The following STK33 variants were observed in gnomAD, a reference collection of about 807,000 sequenced individuals.
The protein encoded by STK33 is serine/threonine kinase 33, also known as serine/threonine-protein kinase 33.
Under a neutral mutation model 58.0 loss-of-function variants are expected in STK33, and 52 were observed. That is an observed-to-expected ratio of 0.90 (90% CI 0.72 to 1.13). The LOEUF (loss-of-function observed/expected upper bound fraction) is 1.13, where lower values mean the gene tolerates loss of function less well. STK33 is among the 50% of genes most tolerant of loss of function. The pLI, the probability that STK33 is intolerant of heterozygous loss-of-function variation, is 0.00. For missense variants in STK33, 630 were observed against 604.2 expected (o/e 1.04, Z -0.45); for synonymous variants, 215 against 200.1 (o/e 1.07, Z -0.63).
chr11:8,448,338 C>A (rs535863582), intron 11 of STK33, among the ~76,000 whole-genome samples: 3 of 152,106 alleles, frequency 2.0e-5, no homozygotes, highest in Non-Finnish European at 2.9e-5. Flanking sequence ...AATCCTAAGC[C>A]AAAAGAACAA....
chr11:8,414,931 TG>T (rs1940898922), intron 14 of STK33, among the ~76,000 whole-genome samples: 1 of 152,124 alleles, frequency 6.6e-6, no homozygotes, highest in African/African-American at 2.4e-5. Context: ...TTCCCAACTA[TG>T]TAGTCAACTC....
intron 15 of STK33, among the ~76,000 whole-genome samples, chr11:8,405,772 T>C (rs914739380): frequency 6.6e-6 from 1 of 152,266 alleles, no homozygotes; most frequent in Non-Finnish European, 1.5e-5. Flanking sequence ...CTCATATATA[T>C]CTACTATTGT....
chr11:8,532,209 C>T (rs1160059995), intron 1 of STK33, among the ~76,000 whole-genome samples: 2 of 152,226 alleles, frequency 1.3e-5, no homozygotes, highest in African/African-American at 4.8e-5. Context: ...TGTGATGTTA[C>T]CATCACTTAT....
At chr11:8,520,014 A>G (rs990557611) in intron 1 of STK33, among the ~76,000 whole-genome samples, 2 of 152,232 alleles carry the variant, frequency 1.3e-5, no homozygotes, top group Non-Finnish European at 2.9e-5. Context: ...TCATCCTGAT[A>G]CCAAAGCCTG....
chr11:8,388,390 G>A (rs1590664883), downstream of STK33, among the ~76,000 whole-genome samples: 2 of 152,350 alleles, frequency 1.3e-5, no homozygotes, highest in Admixed American at 1.3e-4. Flanking sequence ...ATGCGGCCTC[G>A]CTTTGAAGAA....
chr11:8,520,128 C>G lies in STK33; in HGVS notation c.-465-39514G>C, dbSNP rs571870140. 1.8e-3 allele frequency among the ~76,000 whole-genome samples: 271 copies of G among 152,320 alleles called. 1 individual carries two copies. The highest frequency in any genetic ancestry group is 6.2e-3 in the African/African-American group (258 of 41,570). Reference sequence around the variant, plus strand: ...TGGCAAAACGAATCCAGCAGCACATCAAAAAGCTTATCCACCATGATCAAG... The same window carrying G: ...TGGCAAAACGAATCCAGCAGCACATGAAAAAGCTTATCCACCATGATCAAG... On this transcript the variant is annotated intron_variant, in intron 1 of 15. Transcript: ENST00000687296.
intron 1 of STK33, among the ~76,000 whole-genome samples, chr11:8,530,945 T>TC (rs1554984958): frequency 6.6e-6 from 1 of 151,462 alleles, no homozygotes; most frequent in Non-Finnish European, 1.5e-5. Flanking sequence ...CCCACCTCAG[T>TC]CTCCCAAAGT....
At chr11:8,528,647 C>A (rs1320153395) in intron 1 of STK33, among the ~76,000 whole-genome samples, 1 of 152,202 alleles carries the variant, frequency 6.6e-6, no homozygotes, top group African/African-American at 2.4e-5. Context: ...AGACTAAAGA[C>A]CAAAACCTGG....
intron 1 of STK33, among the ~76,000 whole-genome samples, chr11:8,525,821 G>A (rs565454267): frequency 6.6e-6 from 1 of 152,250 alleles, no homozygotes; most frequent in African/African-American, 2.4e-5. Context: ...CTTATATTTA[G>A]AATGTATAAA....
chr11:8,458,614 A>G (rs746602960), intron 8 of STK33, among the ~76,000 whole-genome samples: 45 of 152,320 alleles, frequency 3.0e-4, no homozygotes, highest in Admixed American at 2.4e-3. Context: ...AAGAAGTCAT[A>G]GCTGAAATGC....
intron 11 of STK33, among the ~76,000 whole-genome samples, chr11:8,444,299 TA>T (rs959060509): frequency 4.6e-5 from 7 of 151,558 alleles, no homozygotes; most frequent in East Asian, 1.9e-4. Flanking sequence ...GTCAACCTGA[TA>T]AAAAAAAACT....
chr11:8,402,579 A>G (rs1305661241), intron 15 of STK33, among the ~76,000 whole-genome samples: 1 of 152,160 alleles, frequency 6.6e-6, no homozygotes, highest in Non-Finnish European at 1.5e-5. Flanking sequence ...ACAAACCTGC[A>G]TGTTGTGCAC....
At chr11:8,457,837 T>C (rs1947061479) in intron 8 of STK33, among the ~76,000 whole-genome samples, 1 of 152,150 alleles carries the variant, frequency 6.6e-6, no homozygotes, top group Non-Finnish European at 1.5e-5. Context: ...ATAGAGAATG[T>C]GGGAAAGAAT....
intron 8 of STK33, among the ~76,000 whole-genome samples, chr11:8,460,746 C>T (rs996035137): frequency 6.6e-6 from 1 of 152,014 alleles, no homozygotes; most frequent in Non-Finnish European, 1.5e-5. Flanking sequence ...TGGCTTAAAG[C>T]TGATGATAAC....
At chr11:8,453,044 A>G in intron 10 of STK33, 138 bp from the exon 11 acceptor site, 1 of 745,444 alleles carries the variant, frequency 1.3e-6, no homozygotes, top group South Asian at 1.7e-5. Flanking sequence ...AATCATTAAT[A>G]AAAATTTTGC....
At chr11:8,494,723 C>A (rs539489219) in intron 1 of STK33, among the ~76,000 whole-genome samples, 5 of 152,300 alleles carry the variant, frequency 3.3e-5, no homozygotes, top group African/African-American at 1.2e-4. Flanking sequence ...ACCAAAACAG[C>A]CTGGTACTGG....
intron 1 of STK33, among the ~76,000 whole-genome samples, chr11:8,535,552 A>G (rs775011669): frequency 1.3e-5 from 2 of 152,144 alleles, no homozygotes; most frequent in South Asian, 4.1e-4. Flanking sequence ...TCTTACCCCA[A>G]TCAGAATGGC....
At chr11:8,386,584 C>A in the STK33 span, among the ~76,000 whole-genome samples, 1 of 152,180 alleles carries the variant, frequency 6.6e-6, no homozygotes, top group African/African-American at 2.4e-5. Flanking sequence ...GGGGAGGTGG[C>A]ACCATCCCCC....
At chr11:8,478,977 C>T (rs935149666) in intron 2 of STK33, among the ~76,000 whole-genome samples, 12 of 152,150 alleles carry the variant, frequency 7.9e-5, no homozygotes, top group African/African-American at 2.7e-4. Flanking sequence ...TTAAAATTCA[C>T]ATTATTTCAG....
Sources: gnomAD v4.1 joint callset for allele counts (sites outside exome capture counted in the v4.1 genomes callset) on GRCh38, gnomAD v4.1.1 for gene constraint, MANE v1.5 for transcripts, NCBI Gene and HGNC (gene_info 2026-07-23, HGNC 2026-07-21) for gene names.